The following ZNF722 variants were observed in gnomAD, a reference collection of about 807,000 sequenced individuals.
The protein encoded by ZNF722 is zinc finger protein 722.
the ZNF722 span, among the ~76,000 whole-genome samples, chr7:64,002,343 G>A: frequency 2.6e-5 from 4 of 152,142 alleles, no homozygotes; most frequent in Non-Finnish European, 4.4e-5. Flanking sequence ...TGGATGTTTA[G>A]TGACATACAT....
At chr7:64,006,318 A>G in the ZNF722 span, 1 of 1,296,028 alleles carries the variant, frequency 7.7e-7, no homozygotes, top group Non-Finnish European at 1.1e-6. Context: ...CCAAACACCC[A>G]GGTAGGTGAG....
the ZNF722 span, among the ~76,000 whole-genome samples, chr7:64,004,425 A>AAAAAAAAAAAAATATATAT: frequency 1.6e-5 from 1 of 61,120 alleles, no homozygotes; most frequent in African/African-American, 8.0e-5. Context: ...AAAAAAAAAA[A>AAAAAAAAAAAAATATATAT]ATATATATAT....
At chr7:64,017,790 G>A in the ZNF722 span, among the ~76,000 whole-genome samples, 2 of 152,238 alleles carry the variant, frequency 1.3e-5, no homozygotes, top group East Asian at 1.9e-4. Context: ...GAGATCCAAA[G>A]ATAACAGTAT....
the ZNF722 span, among the ~76,000 whole-genome samples, chr7:64,008,918 A>C: frequency 2.0e-5 from 3 of 151,944 alleles, no homozygotes; most frequent in African/African-American, 2.4e-5. Flanking sequence ...CTTTTATTTC[A>C]TTGAGCAGTG....
chr7:64,002,810 C>G, the ZNF722 span, among the ~76,000 whole-genome samples: 1 of 152,104 alleles, frequency 6.6e-6, no homozygotes, highest in African/African-American at 2.4e-5. Context: ...TTCTGTTGTC[C>G]CTGTAAACTT....
At chr7:64,006,332 G>A in the ZNF722 span, 15 of 1,277,954 alleles carry the variant, frequency 1.2e-5, no homozygotes, top group South Asian at 1.1e-4. Context: ...AGGTGAGAGC[G>A]AATGAAGCAG....
the ZNF722 span, among the ~76,000 whole-genome samples, chr7:64,004,410 T>TAAAA: frequency 7.6e-3 from 266 of 35,224 alleles, 14 homozygotes; most frequent in African/African-American, 0.019. Context: ...CTCTGTCTCT[T>TAAAA]AAAAAAAAAA....
At chr7:64,006,203 T>G in the ZNF722 span, 6 of 1,154,908 alleles carry the variant, frequency 5.2e-6, no homozygotes, top group Non-Finnish European at 2.4e-6. Context: ...TTTATCTTAC[T>G]TTTTTTTCTT....
At chr7:64,008,057 G>A in the ZNF722 span, among the ~76,000 whole-genome samples, 3 of 152,132 alleles carry the variant, frequency 2.0e-5, no homozygotes, top group Non-Finnish European at 4.4e-5. Flanking sequence ...AGAAGTGTCT[G>A]TTCATATCCT....
chr7:64,008,003 G>A, the ZNF722 span, among the ~76,000 whole-genome samples: 12 of 152,174 alleles, frequency 7.9e-5, no homozygotes, highest in Non-Finnish European at 1.6e-4. Context: ...GTGATGATGA[G>A]CATTTTTTCA....
chr7:64,004,418 A>AT, the ZNF722 span, among the ~76,000 whole-genome samples: 8 of 83,050 alleles, frequency 9.6e-5, no homozygotes, highest in South Asian at 1.4e-3. Context: ...CTTAAAAAAA[A>AT]AAAAAAAATA....
At chr7:64,002,813 G>A in the ZNF722 span, among the ~76,000 whole-genome samples, 26 of 152,272 alleles carry the variant, frequency 1.7e-4, no homozygotes, top group African/African-American at 5.5e-4. Flanking sequence ...TGTTGTCCCT[G>A]TAAACTTAAA....
At chr7:64,014,584 A>G in the ZNF722 span, among the ~76,000 whole-genome samples, 1 of 152,104 alleles carries the variant, frequency 6.6e-6, no homozygotes, top group East Asian at 1.9e-4. Flanking sequence ...TTTTTCAGTT[A>G]AAAGACTTCT....
chr7:63,999,805 C>G, the ZNF722 span, among the ~76,000 whole-genome samples: 2 of 150,068 alleles, frequency 1.3e-5, no homozygotes, highest in Non-Finnish European at 3.0e-5. Flanking sequence ...TCAAGCGATT[C>G]TCCCACCTCA....
At chr7:64,007,305 A>T in the ZNF722 span, among the ~76,000 whole-genome samples, 1 of 150,468 alleles carries the variant, frequency 6.6e-6, no homozygotes, top group East Asian at 1.9e-4. Context: ...GGTTTGTTAC[A>T]TATGTATACA....
At chr7:64,006,973 T>C in the ZNF722 span, among the ~76,000 whole-genome samples, 1 of 151,900 alleles carries the variant, frequency 6.6e-6, no homozygotes, top group Non-Finnish European at 1.5e-5. Flanking sequence ...TATTACATGA[T>C]AATTTCATTT....
chr7:64,015,331 A>C, the ZNF722 span: 1 of 1,369,054 alleles, frequency 7.3e-7, no homozygotes, highest in Non-Finnish European at 1.0e-6. Flanking sequence ...AAATGTAAAA[A>C]ATATGGCAAA....
At chr7:64,009,590 G>T in the ZNF722 span, among the ~76,000 whole-genome samples, 1 of 152,196 alleles carries the variant, frequency 6.6e-6, no homozygotes, top group South Asian at 2.1e-4. Context: ...CAGAGATGAA[G>T]CTGACTTGAT....
chr7:64,004,425 A>AAAAAAAAATATATATATATATGT, the ZNF722 span, among the ~76,000 whole-genome samples: 1 of 61,120 alleles, frequency 1.6e-5, no homozygotes. Context: ...AAAAAAAAAA[A>AAAAAAAAATATATATATATATGT]ATATATATAT....
Sources: gnomAD v4.1 joint callset for allele counts (sites outside exome capture counted in the v4.1 genomes callset) on GRCh38, gnomAD v4.1.1 for gene constraint, MANE v1.5 for transcripts, NCBI Gene and HGNC (gene_info 2026-07-23, HGNC 2026-07-21) for gene names.